The following FBP1 variants were observed in gnomAD, a reference collection of about 807,000 sequenced individuals.
FBP1 encodes fructose-bisphosphatase 1.
Under a neutral mutation model 29.9 loss-of-function variants are expected in FBP1, and 22 were observed. The observed-to-expected ratio is 0.74, with a 90% CI of 0.53 to 1.05. The LOEUF (loss-of-function observed/expected upper bound fraction) is 1.05, where lower values mean the gene tolerates loss of function less well. Ranked by LOEUF, FBP1 falls within the 50% of genes least tolerant of loss-of-function variation. FBP1 has a pLI of 0.00. For synonymous variants in FBP1, 175 were observed against 178.6 expected, an observed-to-expected ratio of 0.98 and a Z score of 0.16; for missense variants, 345 against 448.2, an observed-to-expected ratio of 0.77 and a Z score of 2.08.
At chr9:94,607,513 C>T (rs1426148933) in intron 4 of FBP1, among the ~76,000 whole-genome samples, 2 of 152,128 alleles carry the variant, frequency 1.3e-5, no homozygotes, top group South Asian at 2.1e-4. Context: ...GTCTGGCGTA[C>T]GTAACTTCCG....
intron 1 of FBP1, among the ~76,000 whole-genome samples, chr9:94,634,217 C>T (rs1236408907): frequency 6.0e-5 from 9 of 150,812 alleles, no homozygotes; most frequent in African/African-American, 2.2e-4. Flanking sequence ...TGGCATGAAC[C>T]CGGGAGGCGG....
intron 3 of FBP1, among the ~76,000 whole-genome samples, chr9:94,611,276 T>G (rs1470342461): frequency 6.6e-6 from 1 of 152,182 alleles, no homozygotes; most frequent in African/African-American, 2.4e-5. Flanking sequence ...AATATGCAAT[T>G]TCTCGAACTT....
chr9:94,604,824 T>C (rs1827672988), intron 6 of FBP1, among the ~76,000 whole-genome samples: 1 of 151,986 alleles, frequency 6.6e-6, no homozygotes, highest in Non-Finnish European at 1.5e-5. Flanking sequence ...AAGGACACAA[T>C]ACTTGGGAAG....
At chr9:94,620,830 TG>T (rs1827936084) in intron 1 of FBP1, among the ~76,000 whole-genome samples, 1 of 152,132 alleles carries the variant, frequency 6.6e-6, no homozygotes, top group Admixed American at 6.5e-5. Flanking sequence ...GATTGATGGG[TG>T]CAGCAAACCA....
At chr9:94,638,101 A>G (rs1317900312) in intron 1 of FBP1, among the ~76,000 whole-genome samples, 2 of 85,662 alleles carry the variant, frequency 2.3e-5, no homozygotes, top group African/African-American at 5.5e-5. Context: ...AAAAAAAAAA[A>G]AAGAAAAGAA....
intron 6 of FBP1, 91 bp downstream of exon 6, chr9:94,605,366 T>G: frequency 7.1e-7 from 1 of 1,401,948 alleles, no homozygotes; most frequent in Non-Finnish European, 9.9e-7. Context: ...TGGAGCGTAA[T>G]AGCTAGCAAA....
intron 6 of FBP1, 46 bp downstream of exon 6, chr9:94,605,411 G>T (rs959694725): frequency 5.6e-6 from 9 of 1,604,686 alleles, no homozygotes; most frequent in Non-Finnish European, 7.7e-6. Flanking sequence ...CGCGTGGGCT[G>T]CAAGTGAAAT....
chr9:94,639,464 G>C lies in FBP1; in HGVS notation c.-154C>G, dbSNP rs28382860. 2.2e-3 allele frequency: 1,829 copies of C among 823,806 alleles called. 26 individuals are homozygous for C. In the African/African-American group the frequency reaches 0.027, roughly 12 times the overall value. The allele number at this position is 823,806 out of a possible 1,614,324, so 51.0% of individuals were successfully genotyped here. A position where few individuals can be genotyped will look rare whatever the true frequency, so the allele number is the denominator to read the frequency against. On this transcript the variant is annotated 5_prime_UTR_variant, in exon 1 of 7. Transcript: ENST00000375326. The stretch of plus-strand genomic sequence containing the variant: ...GGCCGCGGGACCTGGCGGGAGGACT[G>C]ACAGACCGACTGCCGCCCCGAGTGT...
intron 1 of FBP1, among the ~76,000 whole-genome samples, chr9:94,628,853 G>C (rs1286754910): frequency 1.3e-5 from 2 of 152,122 alleles, no homozygotes; most frequent in African/African-American, 4.8e-5. Context: ...CAATGATGAG[G>C]AAACACTAAT....
intron 3 of FBP1, among the ~76,000 whole-genome samples, chr9:94,616,320 T>C (rs1253680627): frequency 1.3e-5 from 2 of 151,632 alleles, no homozygotes; most frequent in African/African-American, 4.9e-5. Flanking sequence ...AAACTGCATA[T>C]TGGATACAAT....
chr9:94,614,052 G>C (rs1030531050), intron 3 of FBP1, among the ~76,000 whole-genome samples: 10 of 151,046 alleles, frequency 6.6e-5, no homozygotes, highest in African/African-American at 2.4e-4. Flanking sequence ...CTGCACTCCA[G>C]CCTGGGCGAC....
rs2149721 is a variant in FBP1 at position 94,620,215 on chromosome 9, G to A, written c.333+114C>T. 0.011 allele frequency: 10,994 copies of A among 1,023,734 alleles called. 766 individuals are homozygous for A. The African/African-American group carries it at 0.15, about 14-fold the overall frequency. 63.4% of individuals were successfully genotyped at this position (1,023,734 alleles called of 1,614,324 possible). On this transcript the variant is annotated intron_variant, in intron 2 of 6. Transcript: ENST00000375326. ...TGGAAGCTATGAAAAGACCACAGCA[G>A]GGATCTAGAGGGACTCCCAGAAACC...
chr9:94,604,762 C>T (rs1356972475), intron 6 of FBP1, among the ~76,000 whole-genome samples: 5 of 152,240 alleles, frequency 3.3e-5, no homozygotes, highest in Middle Eastern at 3.4e-3. Context: ...CCAGCCTGGG[C>T]GACGAGTAAG....
intron 1 of FBP1, among the ~76,000 whole-genome samples, chr9:94,637,900 T>G (rs896592068): frequency 2.0e-5 from 3 of 151,578 alleles, no homozygotes; most frequent in Non-Finnish European, 4.4e-5. Flanking sequence ...CTGACCAACA[T>G]GGAGAAACCC....
rs780440730 is a variant in FBP1, at chr9:94,603,435, G to A, written c.963C>T (p.Ser321=). ...TCAGGAACTCGAGCACGTCGTCGGG[G>A]GATCCCAAGATCACCGGCGCCCTCT... ...IHQRAPVILG[S]PDDVLEFLKV... The change falls in exon 7 of 7, where the codon TCC becomes TCT. Residue 321 remains serine (S), a synonymous_variant. Coordinates refer to ENST00000375326, the MANE Select transcript of FBP1 (RefSeq NM_000507.4). 1.9e-6 allele frequency: 3 copies of A among 1,614,036 alleles called. No homozygotes were observed. Among genetic ancestry groups the A allele is most frequent in the African/African-American group, 1.3e-5 (1 of 75,006 alleles).
rs766580423 is a variant in FBP1, at chr9:94,603,589, G to T, written c.826-17C>A. The stretch of plus-strand genomic sequence containing the variant: ...CAGTCTCAGCTGGAAAACAAGACCG[G>T]GTAGCGGCCTCCTTGTATCAGAAGG... On this transcript the variant is annotated splice_polypyrimidine_tract_variant and intron_variant, in intron 6 of 6. Transcript: ENST00000375326. The T allele has an allele frequency of 1.2e-5, 20 of 1,612,428 alleles. No homozygotes were observed. Among genetic ancestry groups the T allele is most frequent in the African/African-American group, 4.0e-5 (3 of 74,828 alleles).
At position 94,639,186 on chromosome 9, in the gene FBP1, A is replaced by C; in HGVS notation, c.125T>G (p.Val42Gly). 1 of 1,605,714 alleles carries C rather than the reference A, an allele frequency of 6.2e-7. No individual in the cohort carries two copies. The highest frequency in any genetic ancestry group is 2.3e-5 in the East Asian group (1 of 44,396). The change falls in exon 1 of 7, where the codon GTC (valine) becomes GGC (glycine). Residue 42 changes from valine (V) to glycine (G), a missense_variant. Transcript: ENST00000375326. Reference protein sequence around the residue: ...TQLLNSLCTAVKAISSAVRKA... With the variant: ...TQLLNSLCTAGKAISSAVRKA... ...GCGCACCGCCGAAGAGATGGCTTTG[A>C]CTGCTGTGCAGAGCGAGTTGAGCAG...
chr9:94,627,027 A>G (rs1192182375), intron 1 of FBP1, among the ~76,000 whole-genome samples: 1 of 152,122 alleles, frequency 6.6e-6, no homozygotes, highest in Non-Finnish European at 1.5e-5. Context: ...TGTCTCTACT[A>G]AAAATACAAA....
intron 5 of FBP1, 53 bp downstream of exon 5, chr9:94,606,762 C>T (rs1305216318): frequency 2.5e-6 from 4 of 1,581,990 alleles, no homozygotes; most frequent in African/African-American, 1.3e-5. Flanking sequence ...CCAGAACGGC[C>T]TCTGGTGCCA....
Sources: gnomAD v4.1 joint callset for allele counts (sites outside exome capture counted in the v4.1 genomes callset) on GRCh38, gnomAD v4.1.1 for gene constraint, MANE v1.5 for transcripts, NCBI Gene and HGNC (gene_info 2026-07-23, HGNC 2026-07-21) for gene names.